CDH12: variants seen among roughly 807,000 people sequenced by gnomAD.
CDH12 encodes the protein cadherin-12.
CDH12 carries 41 observed loss-of-function variants against 74.1 expected under a neutral mutation model. The ratio of observed to expected loss-of-function variants is 0.55; its 90% CI spans 0.43 to 0.72. CDH12 has a LOEUF of 0.72. Ranked by LOEUF, CDH12 falls within the 30% of genes least tolerant of loss-of-function variation. The pLI is 0.00. For missense variants in CDH12, 945 were observed against 977.2 expected, an observed-to-expected ratio of 0.97 and a Z score of 0.44; for synonymous variants, 399 against 355.0, an observed-to-expected ratio of 1.12 and a Z score of -1.39.
At chr5:22,634,409 C>A (rs1369431605) in intron 1 of CDH12, among the ~76,000 whole-genome samples, 1 of 151,954 alleles carries the variant, frequency 6.6e-6, no homozygotes, top group Non-Finnish European at 1.5e-5. Context: ...ACCAGGTCAA[C>A]AATAACCAAA....
chr5:22,442,323 T>C (rs1744659357), intron 2 of CDH12, among the ~76,000 whole-genome samples: 1 of 152,102 alleles, frequency 6.6e-6, no homozygotes, highest in South Asian at 2.1e-4. Context: ...TGCTACTAAG[T>C]GGCAGAGTCA....
At chr5:21,840,437 T>G (rs2149983513) in intron 8 of CDH12, among the ~76,000 whole-genome samples, 1 of 152,180 alleles carries the variant, frequency 6.6e-6, no homozygotes, top group Non-Finnish European at 1.5e-5. Flanking sequence ...GTAATTTTTT[T>G]TTTTTTAGAT....
intron 1 of CDH12, among the ~76,000 whole-genome samples, chr5:22,561,974 A>G (rs1432574404): frequency 6.6e-6 from 1 of 152,188 alleles, no homozygotes; most frequent in East Asian, 1.9e-4. Flanking sequence ...TGTGTTCCAC[A>G]ATTTATAAGA....
Position 22,485,775 on chromosome 5 carries a change from C to T in CDH12, c.-428+19495G>A, listed in dbSNP as rs115335233. 8.2e-3 allele frequency among the ~76,000 whole-genome samples: 1,255 copies of T among 152,190 alleles called. 13 individuals are homozygous for T. The highest frequency in any genetic ancestry group is 0.029 in the African/African-American group (1,208 of 41,518). On this transcript the variant is annotated intron_variant, in intron 2 of 14. Coordinates refer to ENST00000382254, the MANE Select transcript of CDH12 (RefSeq NM_004061.5). ...TTTTCCAAATAATAGAGGAAAACAC[C>T]TTAGCTACAAGGGAGAAATTAATCA... is the stretch of plus-strand genomic sequence containing the variant.
intron 3 of CDH12, among the ~76,000 whole-genome samples, chr5:22,230,210 A>C (rs139101214): frequency 8.8e-4 from 134 of 152,272 alleles, no homozygotes; most frequent in Non-Finnish European, 1.6e-3. Context: ...TTGAAAGGAG[A>C]CAAACTACTA....
chr5:21,758,277 G>C lies in CDH12; in HGVS notation c.1633+2281C>G, dbSNP rs1459366112. Among the ~76,000 whole-genome samples the C allele has an allele frequency of 5.9e-5, 9 of 152,186 alleles. No individual in the cohort carries two copies. The South Asian group carries it at 1.9e-3, about 32-fold the overall frequency. On this transcript the variant is annotated intron_variant, in intron 13 of 14. Coordinates refer to ENST00000382254, the MANE Select transcript of CDH12 (RefSeq NM_004061.5). ...TTATAAATAACTTCAAGATTGGACT[G>C]CTGTTTGTCTTATGGCCATTTCTCA...
At chr5:22,805,588 T>C (rs1286464024) in intron 1 of CDH12, among the ~76,000 whole-genome samples, 1 of 152,188 alleles carries the variant, frequency 6.6e-6, no homozygotes, top group African/African-American at 2.4e-5. Context: ...TCCTTTTGGG[T>C]AAAGTTAATA....
intron 4 of CDH12, among the ~76,000 whole-genome samples, chr5:22,175,125 T>C (rs185289545): frequency 4.3e-4 from 65 of 152,186 alleles, no homozygotes; most frequent in African/African-American, 1.5e-3. Flanking sequence ...ACATTTCAGA[T>C]TTAAAGAAAT....
intron 5 of CDH12, among the ~76,000 whole-genome samples, chr5:22,072,524 G>C (rs1742012935): frequency 7.0e-6 from 1 of 142,736 alleles, no homozygotes; most frequent in Non-Finnish European, 1.5e-5. Context: ...TTCTATTATA[G>C]CACTTTTGTG....
chr5:21,995,212 T>C lies in CDH12; in HGVS notation c.232-19827A>G, dbSNP rs187651877. 9.4e-4 allele frequency among the ~76,000 whole-genome samples: 143 copies of C among 151,346 alleles called. 1 individual carries two copies. Among genetic ancestry groups the C allele is most frequent in the Non-Finnish European group, 1.0e-4 (7 of 67,908 alleles). The stretch of plus-strand genomic sequence containing the variant: ...CTTGAAGTCAGCGAGACCAAGAACC[T>C]ACCGGAAGGAACCAATTCCAGACAC... On this transcript the variant is annotated intron_variant, in intron 5 of 14. Transcript: ENST00000382254.
chr5:22,586,180 G>C (rs1561509660), intron 1 of CDH12, among the ~76,000 whole-genome samples: 1 of 152,108 alleles, frequency 6.6e-6, no homozygotes. Context: ...ATGAGTTCAT[G>C]TCCTTTGTAG....
chr5:22,090,147 T>A (rs1463717868), intron 4 of CDH12, among the ~76,000 whole-genome samples: 1 of 151,882 alleles, frequency 6.6e-6, no homozygotes, highest in African/African-American at 2.4e-5. Context: ...TAACAAATGC[T>A]TAGTTATAAT....
intron 2 of CDH12, among the ~76,000 whole-genome samples, chr5:22,456,107 T>TTATATATATATATATA (rs36020133): frequency 1.8e-4 from 27 of 147,880 alleles, no homozygotes; most frequent in African/African-American, 6.5e-4. Context: ...CATGTGGATA[T>TTATATATATATATATA]TATATATATA....
At chr5:22,306,106 C>G (rs1273934291) in intron 3 of CDH12, among the ~76,000 whole-genome samples, 2 of 152,160 alleles carry the variant, frequency 1.3e-5, no homozygotes, top group African/African-American at 4.8e-5. Flanking sequence ...TGTTCAGGCT[C>G]TTTCTTCTGA....
chr5:22,299,715 C>T (rs3099039), intron 3 of CDH12, among the ~76,000 whole-genome samples: 84,001 of 151,928 alleles, frequency 0.55, 23,800 homozygotes, highest in Non-Finnish European at 0.62. Context: ...CTTATTCCAG[C>T]TGTTAGATAA....
At chr5:22,580,832 A>G (rs1333104070) in intron 1 of CDH12, 2 of 186,512 alleles carry the variant, frequency 1.1e-5, no homozygotes, top group Non-Finnish European at 2.3e-5. Flanking sequence ...TTATGTTATC[A>G]TTGCTATGTT....
intron 1 of CDH12, among the ~76,000 whole-genome samples, chr5:22,775,153 G>C (rs145943878): frequency 0.01 from 1,584 of 151,894 alleles, 31 homozygotes; most frequent in African/African-American, 0.036. Flanking sequence ...AATTCAAAAA[G>C]CACAGGTTTT....
intron 1 of CDH12, among the ~76,000 whole-genome samples, chr5:22,752,774 CG>C (rs1561005645): frequency 6.6e-6 from 1 of 150,560 alleles, no homozygotes; most frequent in African/African-American, 2.4e-5. Flanking sequence ...GGGGTTTCAC[CG>C]TTTTTAGCCG....
chr5:22,807,979 G>A (rs1467572276), intron 1 of CDH12, among the ~76,000 whole-genome samples: 1 of 152,162 alleles, frequency 6.6e-6, no homozygotes, highest in African/African-American at 2.4e-5. Context: ...TAAAGTAATT[G>A]TGCTATGACA....
Sources: gnomAD v4.1 joint callset for allele counts (sites outside exome capture counted in the v4.1 genomes callset) on GRCh38, gnomAD v4.1.1 for gene constraint, MANE v1.5 for transcripts, NCBI Gene and HGNC (gene_info 2026-07-23, HGNC 2026-07-21) for gene names.